EPHA6: variants seen among roughly 807,000 people sequenced by gnomAD.
The protein encoded by EPHA6 is EPH receptor A6.
EPHA6 carries 50 observed loss-of-function variants against 112.0 expected under a neutral mutation model. The ratio of observed to expected loss-of-function variants is 0.45; its 90% CI spans 0.36 to 0.56. The LOEUF is 0.56. Ranked by LOEUF, EPHA6 falls within the 20% of genes least tolerant of loss-of-function variation. The probability of loss-of-function intolerance (pLI) is 0.00; values close to 1 mark genes in which losing one functional copy is unlikely to be tolerated. For synonymous variants in EPHA6, 529 were observed against 490.7 expected (o/e 1.08, Z -1.03); for missense variants, 1,280 against 1,417.4 (o/e 0.90, Z 1.56).
intron 3 of EPHA6, among the ~76,000 whole-genome samples, chr3:97,216,677 C>T (rs756130963): frequency 2.6e-5 from 4 of 151,742 alleles, no homozygotes; most frequent in South Asian, 4.1e-4. Flanking sequence ...AGTGGTAGCA[C>T]GAACTTAAAC....
chr3:97,270,523 TC>T (rs1478030620), intron 5 of EPHA6, among the ~76,000 whole-genome samples: 2 of 152,200 alleles, frequency 1.3e-5, no homozygotes, highest in Non-Finnish European at 2.9e-5. Flanking sequence ...ATAATATGCT[TC>T]CTCTTATTAA....
chr3:96,946,396 T>C (rs896069578), intron 2 of EPHA6, among the ~76,000 whole-genome samples: 3 of 145,614 alleles, frequency 2.1e-5, no homozygotes, highest in Non-Finnish European at 3.0e-5. Flanking sequence ...CATTGTTCAA[T>C]TCCCACTTAT....
intron 2 of EPHA6, among the ~76,000 whole-genome samples, chr3:96,910,937 C>A (rs556557851): frequency 1.3e-5 from 2 of 152,012 alleles, no homozygotes; most frequent in Admixed American, 1.3e-4. Context: ...CATTGTTTTT[C>A]TCATAAATAA....
intron 5 of EPHA6, 79 bp from the exon 6 acceptor site, chr3:97,405,071 T>G (rs2087250960): frequency 1.4e-6 from 2 of 1,475,838 alleles, no homozygotes; most frequent in Admixed American, 4.7e-5. Flanking sequence ...TTATTTTCCT[T>G]GGAAGAGAAA....
At chr3:96,876,312 A>T (rs2036946573) in intron 2 of EPHA6, among the ~76,000 whole-genome samples, 1 of 151,610 alleles carries the variant, frequency 6.6e-6, no homozygotes, top group African/African-American at 2.4e-5. Flanking sequence ...CAACTACCAA[A>T]TCCTATTGAT....
chr3:96,999,220 C>T (rs1478407879), intron 3 of EPHA6, among the ~76,000 whole-genome samples: 1 of 151,858 alleles, frequency 6.6e-6, no homozygotes, highest in South Asian at 2.1e-4. Flanking sequence ...GTTACTGTGT[C>T]ATCAGTTTTT....
At chr3:97,095,104 A>G (rs959650859) in intron 3 of EPHA6, among the ~76,000 whole-genome samples, 2 of 152,110 alleles carry the variant, frequency 1.3e-5, no homozygotes, top group African/African-American at 4.8e-5. Context: ...GAAAACTGGC[A>G]ATCTGTTTTT....
intron 14 of EPHA6, among the ~76,000 whole-genome samples, chr3:97,679,998 T>C (rs1307755439): frequency 6.6e-6 from 1 of 152,214 alleles, no homozygotes; most frequent in African/African-American, 2.4e-5. Flanking sequence ...TGTTGTAAAA[T>C]AGTTAAAGGA....
intron 2 of EPHA6, among the ~76,000 whole-genome samples, chr3:96,936,914 C>T (rs2040620012): frequency 6.6e-6 from 1 of 152,172 alleles, no homozygotes; most frequent in Admixed American, 6.6e-5. Context: ...CCACTTTCAT[C>T]CATGTCCCTA....
chr3:97,082,988 A>G (rs1398796245), intron 3 of EPHA6, among the ~76,000 whole-genome samples: 3 of 150,666 alleles, frequency 2.0e-5, no homozygotes, highest in Non-Finnish European at 4.4e-5. Flanking sequence ...GCTTTATGAT[A>G]CATAATAAAA....
intron 6 of EPHA6, among the ~76,000 whole-genome samples, chr3:97,415,774 G>A (rs970762759): frequency 4.6e-5 from 7 of 151,944 alleles, no homozygotes; most frequent in African/African-American, 1.7e-4. Context: ...CAAAATATCT[G>A]TAACACATTA....
intron 5 of EPHA6, among the ~76,000 whole-genome samples, chr3:97,402,585 C>T (rs9872231): frequency 0.12 from 18,313 of 151,712 alleles, 3,534 homozygotes; most frequent in African/African-American, 0.4. Flanking sequence ...TTTTTTTAAG[C>T]GGTCTTGTTG....
At chr3:97,044,494 T>G (rs1262037732) in intron 3 of EPHA6, among the ~76,000 whole-genome samples, 1 of 152,154 alleles carries the variant, frequency 6.6e-6, no homozygotes, top group Non-Finnish European at 1.5e-5. Flanking sequence ...AAACATCTGA[T>G]AAGTGATGAG....
chr3:97,646,019 A>C, intron 14 of EPHA6: 1 of 866,662 alleles, frequency 1.2e-6, no homozygotes, highest in Non-Finnish European at 1.6e-6. Flanking sequence ...CTTCAAGAAA[A>C]AAATATCTTT....
intron 5 of EPHA6, among the ~76,000 whole-genome samples, chr3:97,272,498 C>G (rs1442987672): frequency 1.3e-5 from 2 of 152,116 alleles, no homozygotes; most frequent in African/African-American, 4.8e-5. Context: ...ACCAAACAGG[C>G]TTTGTGTGAG....
intron 5 of EPHA6, among the ~76,000 whole-genome samples, chr3:97,351,420 G>T (rs1030583502): frequency 3.9e-5 from 6 of 152,074 alleles, no homozygotes; most frequent in Non-Finnish European, 7.4e-5. Flanking sequence ...GCTTGCTTTT[G>T]TTTGTTACAG....
intron 12 of EPHA6, among the ~76,000 whole-genome samples, chr3:97,597,627 A>G (rs927824770): frequency 5.9e-5 from 9 of 152,238 alleles, no homozygotes; most frequent in African/African-American, 2.2e-4. Flanking sequence ...CAAAGGACAT[A>G]CAGTCCTCAG....
chr3:97,124,769 CA>C (rs2048138219), intron 3 of EPHA6, among the ~76,000 whole-genome samples: 1 of 152,106 alleles, frequency 6.6e-6, no homozygotes, highest in Non-Finnish European at 1.5e-5. Context: ...CTTGGCAAGA[CA>C]AATGCAGAAA....
chr3:97,625,876 G>T (rs4857280), intron 13 of EPHA6, among the ~76,000 whole-genome samples: 1 of 151,428 alleles, frequency 6.6e-6, no homozygotes, highest in African/African-American at 2.4e-5. Context: ...ATTGACTTTG[G>T]AGAGTAGAAG....
Sources: gnomAD v4.1 joint callset for allele counts (sites outside exome capture counted in the v4.1 genomes callset) on GRCh38, gnomAD v4.1.1 for gene constraint, MANE v1.5 for transcripts, NCBI Gene and HGNC (gene_info 2026-07-23, HGNC 2026-07-21) for gene names.